The following PRELID2 variants were observed in gnomAD, a reference collection of about 807,000 sequenced individuals.
PRELID2 encodes PRELI domain-containing protein 2.
PRELID2 carries 25 observed loss-of-function variants against 28.4 expected under a neutral mutation model. The ratio of observed to expected loss-of-function variants is 0.88; its 90% CI spans 0.64 to 1.23. The LOEUF (loss-of-function observed/expected upper bound fraction) is 1.23. PRELID2 is among the 50% of genes most tolerant of loss of function. The pLI is 0.00. For synonymous variants in PRELID2, 76 were observed against 71.6 expected (o/e 1.06, Z -0.31); for missense variants, 201 against 214.4 (o/e 0.94, Z 0.39).
the PRELID2 span, among the ~76,000 whole-genome samples, chr5:145,271,628 CA>C: frequency 6.6e-6 from 1 of 152,110 alleles, no homozygotes; most frequent in South Asian, 2.1e-4. Flanking sequence ...GTATTAAAAG[CA>C]GGAGAAGCAT....
At chr5:145,491,271 A>G (rs1408123407) in intron 1 of PRELID2, among the ~76,000 whole-genome samples, 2 of 152,140 alleles carry the variant, frequency 1.3e-5, no homozygotes, top group African/African-American at 4.8e-5. Flanking sequence ...TTTCTCATAG[A>G]TGGTGTGTTC....
chr5:145,510,878 G>C (rs1752454948), intron 1 of PRELID2, among the ~76,000 whole-genome samples: 1 of 152,168 alleles, frequency 6.6e-6, no homozygotes, highest in South Asian at 2.1e-4. Flanking sequence ...TAGAAGACCT[G>C]TTCCCTCATG....
Position 145,607,148 on chromosome 5 carries a change from A to G in PRELID2, n.71-133833T>C, listed in dbSNP as rs1410223378. ...TCTCCCCTCTTTTTTACTTTATTAG[A>G]CCAGATAGCAGCCTATCAATCTTAT... On this transcript the variant is annotated intron_variant and non_coding_transcript_variant, in intron 1 of 2. Coordinates refer to the PRELID2 transcript ENST00000510259. Among the ~76,000 whole-genome samples the G allele has an allele frequency of 2.0e-5, 3 of 151,956 alleles. No individual in the cohort carries two copies. The East Asian group carries it at 5.8e-4, about 29-fold the overall frequency.
chr5:145,264,264 T>A, the PRELID2 span, among the ~76,000 whole-genome samples: 1 of 152,016 alleles, frequency 6.6e-6, no homozygotes, highest in Non-Finnish European at 1.5e-5. Context: ...ACTAACTGAA[T>A]TCAACAGCAA....
intron 1 of PRELID2, among the ~76,000 whole-genome samples, chr5:145,654,410 C>T (rs1331624537): frequency 6.6e-6 from 1 of 152,196 alleles, no homozygotes; most frequent in African/African-American, 2.4e-5. Flanking sequence ...GGGCCAGCAT[C>T]ATCCTGATAA....
At chr5:145,712,672 G>A (rs1041286213) in intron 1 of PRELID2, among the ~76,000 whole-genome samples, 11 of 152,098 alleles carry the variant, frequency 7.2e-5, no homozygotes, top group Non-Finnish European at 1.3e-4. Flanking sequence ...GCAACAAAAT[G>A]TAGCCCATCA....
At chr5:145,462,806 T>G in the PRELID2 span, among the ~76,000 whole-genome samples, 2 of 152,238 alleles carry the variant, frequency 1.3e-5, no homozygotes, top group Non-Finnish European at 2.9e-5. Context: ...TTCAAGTGAC[T>G]GCTGTTTCTA....
exon 3 of PRELID2, chr5:145,472,008 A>G (rs532577849): frequency 6.6e-6 from 1 of 152,288 alleles, no homozygotes; most frequent in South Asian, 2.1e-4. Flanking sequence ...CATTCTGCTG[A>G]GGATTCAGTT....
At chr5:145,569,058 C>T (rs941966315) in intron 1 of PRELID2, among the ~76,000 whole-genome samples, 4 of 152,204 alleles carry the variant, frequency 2.6e-5, no homozygotes, top group Non-Finnish European at 5.9e-5. Flanking sequence ...CAAAGGTTAT[C>T]AATTACATCA....
At chr5:145,685,733 C>G (rs1180973835) in intron 1 of PRELID2, among the ~76,000 whole-genome samples, 1 of 152,090 alleles carries the variant, frequency 6.6e-6, no homozygotes, top group Non-Finnish European at 1.5e-5. Context: ...CTGTAAAAAG[C>G]AGGAGTCCCA....
chr5:145,309,211 A>G, the PRELID2 span, among the ~76,000 whole-genome samples: 1 of 152,230 alleles, frequency 6.6e-6, no homozygotes, highest in East Asian at 1.9e-4. Flanking sequence ...GAAGTAATCA[A>G]CACAAGAAAT....
the PRELID2 span, among the ~76,000 whole-genome samples, chr5:145,298,353 A>G: frequency 2.6e-5 from 4 of 152,184 alleles, no homozygotes; most frequent in Non-Finnish European, 2.9e-5. Context: ...AAACCTGAGA[A>G]AAACAAACAA....
chr5:145,714,030 C>T (rs562330588), intron 1 of PRELID2, among the ~76,000 whole-genome samples: 2 of 151,894 alleles, frequency 1.3e-5, no homozygotes, highest in Non-Finnish European at 2.9e-5. Flanking sequence ...CTGGCTAACT[C>T]TAGAGCCAAC....
At chr5:145,310,985 G>A in the PRELID2 span, among the ~76,000 whole-genome samples, 3 of 151,840 alleles carry the variant, frequency 2.0e-5, no homozygotes, top group African/African-American at 4.8e-5. Context: ...CAGTCTCCCA[G>A]TTGTCTTTCA....
the PRELID2 span, among the ~76,000 whole-genome samples, chr5:145,426,493 G>C: frequency 2.6e-5 from 4 of 152,286 alleles, no homozygotes; most frequent in Non-Finnish European, 5.9e-5. Context: ...GTCCAACTAT[G>C]AGGAAGGATC....
the PRELID2 span, among the ~76,000 whole-genome samples, chr5:145,293,762 A>G: frequency 3.3e-5 from 5 of 152,202 alleles, no homozygotes; most frequent in Non-Finnish European, 7.3e-5. Context: ...TCCTACAAGC[A>G]TAATAGTGAA....
chr5:145,613,254 G>T (rs1338261827), intron 1 of PRELID2, among the ~76,000 whole-genome samples: 1 of 151,616 alleles, frequency 6.6e-6, no homozygotes, highest in Non-Finnish European at 1.5e-5. Context: ...TTTTTCATAT[G>T]TTTGCTGGCT....
the PRELID2 span, among the ~76,000 whole-genome samples, chr5:145,418,236 AAAGGACATAAACAAATGG>A: frequency 2.6e-5 from 4 of 152,210 alleles, no homozygotes; most frequent in Admixed American, 2.6e-4. Context: ...AAGAAATAAG[AAAGGACATAAACAAATGG>A]AAGAACCAAC....
rs1274536883 is a variant in PRELID2 at position 145,518,379 on chromosome 5, T to C, written n.71-45064A>G. Among the ~76,000 whole-genome samples, 3 of 151,954 alleles carry C rather than the reference T, an allele frequency of 2.0e-5. No homozygotes were observed. In the East Asian group the frequency reaches 5.8e-4, roughly 30 times the overall value. ...CAAGCCCAGCTAATTTTTGTATTTT[T>C]AGTAGAGATGGGGTTTTACCATATT... On this transcript the variant is annotated intron_variant and non_coding_transcript_variant, in intron 1 of 2. Coordinates refer to the PRELID2 transcript ENST00000510259.
Sources: allele counts gnomAD v4.1 joint callset (sites outside exome capture counted in the v4.1 genomes callset), GRCh38; gene constraint gnomAD v4.1.1; transcripts MANE v1.5; gene names NCBI Gene and HGNC (gene_info 2026-07-23, HGNC 2026-07-21).